PABPC4: variants seen among roughly 807,000 people sequenced by gnomAD.
PABPC4 encodes the protein poly(A) binding protein cytoplasmic 4, also known as polyadenylate-binding protein 4.
PABPC4 carries 15 observed loss-of-function variants against 74.5 expected under a neutral mutation model. The observed-to-expected ratio is 0.20, with a 90% confidence interval of 0.13 to 0.31. The LOEUF is 0.31. Ranked by LOEUF, PABPC4 falls within the 10% of genes least tolerant of loss-of-function variation. PABPC4 has a pLI of 1.00. For synonymous variants in PABPC4, 345 were observed against 303.0 expected (o/e 1.14, Z -1.44); for missense variants, 610 against 853.5 (o/e 0.71, Z 3.55).
At chr1:39,569,430 G>A (rs1438312851) in intron 5 of PABPC4, 165 bp downstream of exon 5, 3 of 621,300 alleles carry the variant, frequency 4.8e-6, no homozygotes, top group Admixed American at 5.7e-5. Flanking sequence ...ACACCTACAT[G>A]AAGTTAACAT....
intron 1 of PABPC4, 93 bp from the exon 2 acceptor site, chr1:39,572,679 G>T: frequency 1.1e-6 from 1 of 924,168 alleles, no homozygotes; most frequent in African/African-American, 1.6e-5. Context: ...ACTTTTCAAG[G>T]TAATCACTCT....
At chr1:39,569,049 C>T in intron 5 of PABPC4, 110 bp from the exon 6 acceptor site, 1 of 1,128,000 alleles carries the variant, frequency 8.9e-7, no homozygotes, top group South Asian at 1.5e-5. Flanking sequence ...AAACTAAATT[C>T]ACTCCACCTC....
rs1416078892 is a variant in PABPC4 at position 39,568,831 on chromosome 1, A to C, written c.847T>G (p.Leu283Val). ...TATCGACTAATTCTCTCCTGTTTCAACTGTTCAAATTTCCGTTTTAACTCT... is the reference window on the plus strand; with the variant it reads ...TATCGACTAATTCTCTCCTGTTTCACCTGTTCAAATTTCCGTTTTAACTCT... ...QAELKRKFEQ[L>V]KQERISRYQG... Residue 283 changes from leucine (L) to valine (V), a missense_variant, in exon 6 of 16, where the codon TTG becomes GTG. Leu to Val is a conservative substitution (Grantham distance 32, BLOSUM62 1). This residue lies in a region of PABPC4 where 304 missense variants were observed against 478.9 expected (regional missense o/e 0.63). Coordinates refer to ENST00000372858, the MANE Select transcript of PABPC4 (RefSeq NM_001135653.2). 6.2e-7 allele frequency: 1 copy of C among 1,613,906 alleles called. No individual in the cohort carries two copies. The highest frequency in any genetic ancestry group is 1.7e-5 in the Admixed American group (1 of 59,974).
chr1:39,564,237 G>C, intron 10 of PABPC4, 186 bp downstream of exon 10: 1 of 683,184 alleles, frequency 1.5e-6, no homozygotes, highest in Non-Finnish European at 2.4e-6. Flanking sequence ...AATGTTAAAA[G>C]CAACTGACAC....
At chr1:39,575,120 G>A (rs1371277648) in intron 1 of PABPC4, among the ~76,000 whole-genome samples, 1 of 152,188 alleles carries the variant, frequency 6.6e-6, no homozygotes, top group Admixed American at 6.5e-5. Flanking sequence ...CACAGAGCCT[G>A]GATACCATTT....
chr1:39,564,025 C>A, intron 10 of PABPC4, 103 bp from the exon 11 acceptor site: 2 of 939,302 alleles, frequency 2.1e-6, no homozygotes, highest in Admixed American at 2.1e-5. Context: ...CAACACATTG[C>A]ACAGGGGGCC....
At chr1:39,563,317 G>GAAGT (rs1323120110) in intron 12 of PABPC4, 2 of 346,448 alleles carry the variant, frequency 5.8e-6, no homozygotes, top group Admixed American at 4.6e-5. Flanking sequence ...ATTGGATGCG[G>GAAGT]AAGTGACCTG....
intron 1 of PABPC4, 71 bp downstream of exon 1, chr1:39,575,688 G>C (rs1001797644): frequency 1.6e-6 from 2 of 1,289,836 alleles, no homozygotes; most frequent in East Asian, 5.6e-5. Flanking sequence ...CTCGGCAGGA[G>C]GGCCCTGCCA....
intron 2 of PABPC4, 97 bp from the exon 3 acceptor site, chr1:39,571,446 C>T (rs770103305): frequency 2.8e-6 from 4 of 1,443,726 alleles, no homozygotes; most frequent in Non-Finnish European, 3.9e-6. Flanking sequence ...TCTAGCCCAT[C>T]CATGGCCAAT....
intron 3 of PABPC4, chr1:39,570,546 A>T (rs1252797376): frequency 6.5e-6 from 1 of 154,968 alleles, no homozygotes; most frequent in East Asian, 1.9e-4. Context: ...TGGCATACTG[A>T]ATGACACAAA....
At chr1:39,570,782 G>A (rs1490019447) in intron 3 of PABPC4, among the ~76,000 whole-genome samples, 1 of 152,214 alleles carries the variant, frequency 6.6e-6, no homozygotes, top group South Asian at 2.1e-4. Flanking sequence ...GTTAGAAAAT[G>A]GAGAACCGCG....
chr1:39,574,482 G>A (rs760721233), intron 1 of PABPC4, among the ~76,000 whole-genome samples: 1 of 152,210 alleles, frequency 6.6e-6, no homozygotes, highest in Admixed American at 6.5e-5. Context: ...CTATCTCTAA[G>A]TGACACGACT....
chr1:39,564,487 G>A lies in PABPC4; in HGVS notation c.1389C>T (p.Arg463=), dbSNP rs1645806382. Residue 463 remains arginine, a synonymous_variant, in exon 10 of 16, where the codon CGC becomes CGT. Transcript: ENST00000372858. ...GAGCATTACCAGTTGGAGCCAGATGGCGAAGAGTTGGACGAGGCCCAGACT... is the reference window on the plus strand; with the variant it reads ...GAGCATTACCAGTTGGAGCCAGATGACGAAGAGTTGGACGAGGCCCAGACT... ...IRQSGPRPTL[R]HLAPTGNAPA... 1.2e-6 allele frequency: 2 copies of A among 1,614,212 alleles called. No individual in the cohort carries two copies. Among genetic ancestry groups the A allele is most frequent in the African/African-American group, 1.3e-5 (1 of 75,076 alleles).
Position 39,575,778 on chromosome 1 carries a change from G to A in PABPC4, c.174C>T (p.Asn58=). The change falls in exon 1 of 16, where the codon AAC becomes AAT. Residue 58 remains asparagine, a synonymous_variant. Coordinates refer to ENST00000372858, the MANE Select transcript of PABPC4 (RefSeq NM_001135653.2). The stretch of plus-strand genomic sequence containing the variant: ...ACTCACCGTCGGCCGGCTGCTGGAA[G>A]TTGACGTAGGCATAGCCCAGGGAGC... ...TRRSLGYAYV[N]FQQPADAERA... is the part of the protein sequence containing the mutation. The A allele has an allele frequency of 6.2e-7, 1 of 1,600,026 alleles. No individual in the cohort carries two copies. Among genetic ancestry groups the A allele is most frequent in the Non-Finnish European group, 8.5e-7 (1 of 1,172,208 alleles).
intron 10 of PABPC4, 188 bp from the exon 11 acceptor site, chr1:39,564,110 T>G: frequency 1.6e-6 from 1 of 623,168 alleles, no homozygotes; most frequent in Non-Finnish European, 2.8e-6. Flanking sequence ...ACATATTCTG[T>G]ATACACTGTT....
chr1:39,571,518 G>A (rs1357073597), intron 2 of PABPC4, 169 bp from the exon 3 acceptor site: 22 of 663,540 alleles, frequency 3.3e-5, no homozygotes, highest in Non-Finnish European at 4.9e-5. Context: ...TGCCTAGTAA[G>A]TGTTCCATTT....
chr1:39,568,956 T>C lies in PABPC4; in HGVS notation c.739-17A>G, dbSNP rs745624932. 60 of 1,601,284 alleles carry C rather than the reference T, an allele frequency of 3.7e-5. No homozygotes were observed. Among genetic ancestry groups the C allele is most frequent in the Non-Finnish European group, 4.7e-5 (55 of 1,175,674 alleles). Reference sequence around the variant, plus strand: ...TTCCACAGCCTAGAGAGGAAAAATATGTCTTTAAAATAAAGTTGCAGCGAT... The same window carrying C: ...TTCCACAGCCTAGAGAGGAAAAATACGTCTTTAAAATAAAGTTGCAGCGAT... On this transcript the variant is annotated splice_polypyrimidine_tract_variant and intron_variant, in intron 5 of 15. Transcript: ENST00000372858.
chr1:39,564,500 C>A lies in PABPC4; in HGVS notation c.1376G>T (p.Arg459Leu). 1 of 1,614,206 alleles carries A rather than the reference C, an allele frequency of 6.2e-7. No individual in the cohort carries two copies. The highest frequency in any genetic ancestry group is 8.5e-7 in the Non-Finnish European group (1 of 1,180,034). The stretch of plus-strand genomic sequence containing the variant: ...TGGAGCCAGATGGCGAAGAGTTGGA[C>A]GAGGCCCAGACTGGCGTATAGCACT... Reference protein sequence around the residue: ...MPSAIRQSGPRPTLRHLAPTG... With the variant: ...MPSAIRQSGPLPTLRHLAPTG... Residue 459 changes from arginine (R) to leucine (L), a missense_variant, in exon 10 of 16, where the codon CGT becomes CTT. Physicochemically the swap from Arg to Leu is moderately radical, Grantham distance 102. This residue lies in a region of PABPC4 where 277 missense variants were observed against 301.8 expected (regional missense o/e 0.92). Transcript: ENST00000372858.
intron 6 of PABPC4, 183 bp from the exon 7 acceptor site, chr1:39,568,029 G>A (rs1445215772): frequency 3.5e-5 from 17 of 479,716 alleles, no homozygotes; most frequent in South Asian, 2.4e-4. Flanking sequence ...AGGCCGAGGC[G>A]GGCGAATCAC....
Sources: allele counts gnomAD v4.1 joint callset (sites outside exome capture counted in the v4.1 genomes callset), GRCh38; gene constraint gnomAD v4.1.1; regional missense constraint gnomAD v4.1.1; transcripts MANE v1.5; gene names NCBI Gene and HGNC (gene_info 2026-07-23, HGNC 2026-07-21).